The following IL1RAPL1 variants were observed in gnomAD, a reference collection of about 807,000 sequenced individuals.
IL1RAPL1 encodes the protein interleukin 1 receptor accessory protein like 1.
A neutral mutation model predicts 48.4 loss-of-function variants in IL1RAPL1; 3 were observed. The observed-to-expected ratio is 0.06, with a 90% confidence interval of 0.03 to 0.16. The LOEUF (loss-of-function observed/expected upper bound fraction) is 0.16, where lower values mean the gene tolerates loss of function less well. IL1RAPL1 is among the 10% of genes least tolerant of loss of function. The pLI is 1.00. For missense variants in IL1RAPL1, 349 were observed against 530.6 expected, an observed-to-expected ratio of 0.66 and a Z score of 3.36; for synonymous variants, 185 against 187.7, an observed-to-expected ratio of 0.99 and a Z score of 0.12.
intron 6 of IL1RAPL1, among the ~76,000 whole-genome samples, chrX:29,690,742 T>C: frequency 8.9e-6 from 1 of 112,334 alleles, no homozygotes; most frequent in Middle Eastern, 4.7e-3. Flanking sequence ...TTTTTAAATG[T>C]AATGAGATGT....
chrX:29,248,695 A>T (rs1931558350), intron 2 of IL1RAPL1, among the ~76,000 whole-genome samples: 1 of 112,560 alleles, frequency 8.9e-6, no homozygotes, highest in African/African-American at 3.2e-5. Flanking sequence ...AGGTGTTCGT[A>T]CACTGCTGAT....
chrX:29,766,384 G>GATATATAT (rs1928899467), intron 6 of IL1RAPL1, among the ~76,000 whole-genome samples: 1 of 83,868 alleles, frequency 1.2e-5, no homozygotes, highest in African/African-American at 5.2e-5. Context: ...TAGATAGATA[G>GATATATAT]ATATTTTTAT....
intron 1 of IL1RAPL1, among the ~76,000 whole-genome samples, chrX:28,606,151 C>T (rs1934080822): frequency 9.0e-6 from 1 of 111,657 alleles, no homozygotes; most frequent in African/African-American, 3.3e-5. Context: ...GATCTTTGTC[C>T]TTTTAGTTCA....
intron 3 of IL1RAPL1, among the ~76,000 whole-genome samples, chrX:29,323,354 T>C (rs1327896484): frequency 9.1e-6 from 1 of 110,263 alleles, no homozygotes; most frequent in Admixed American, 9.7e-5. Context: ...ATGGTGACTT[T>C]TATATTGGTA....
chrX:29,518,948 G>A (rs902116911), intron 5 of IL1RAPL1, among the ~76,000 whole-genome samples: 1 of 112,142 alleles, frequency 8.9e-6, no homozygotes, highest in Non-Finnish European at 1.9e-5. Flanking sequence ...GAGATGGTGA[G>A]AAGTGCTAAT....
intron 5 of IL1RAPL1, among the ~76,000 whole-genome samples, chrX:29,546,016 C>G (rs1309685716): frequency 9.0e-6 from 1 of 111,460 alleles, no homozygotes; most frequent in Non-Finnish European, 1.9e-5. Context: ...TCTGGAGACA[C>G]TTTTGGTTGT....
chrX:29,803,805 A>T (rs1930186155), intron 6 of IL1RAPL1, among the ~76,000 whole-genome samples: 1 of 110,180 alleles, frequency 9.1e-6, no homozygotes, highest in African/African-American at 3.3e-5. Flanking sequence ...GTTTATGTTT[A>T]CAATGAAGTC....
intron 6 of IL1RAPL1, among the ~76,000 whole-genome samples, chrX:29,848,682 A>C (rs890963827): frequency 8.9e-6 from 1 of 111,810 alleles, no homozygotes; most frequent in African/African-American, 3.2e-5. Context: ...AGAAATTATG[A>C]TGGAATGCAG....
intron 5 of IL1RAPL1, among the ~76,000 whole-genome samples, chrX:29,556,247 C>T (rs1761159063): frequency 8.9e-6 from 1 of 112,000 alleles, no homozygotes; most frequent in South Asian, 3.7e-4. Context: ...TTAGGAAACT[C>T]CAGTAAGGCT....
intron 3 of IL1RAPL1, among the ~76,000 whole-genome samples, chrX:29,364,809 C>CT (rs2147661789): frequency 9.0e-6 from 1 of 110,781 alleles, no homozygotes; most frequent in South Asian, 3.8e-4. Context: ...ATAACAGGGA[C>CT]TTGAACATCT....
rs1569267314 is a variant in IL1RAPL1 at position 29,240,205 on chromosome X, T to C, written c.83-42733T>C. Among the ~76,000 whole-genome samples the C allele has an allele frequency of 2.2e-3, 98 of 45,081 alleles. 4 individuals are homozygous for C. In the East Asian group the frequency reaches 0.026, roughly 12 times the overall value. 39.1% of individuals were successfully genotyped at this position (45,081 alleles called of 115,157 possible). A position where few individuals can be genotyped will look rare whatever the true frequency, so the allele number is the denominator to read the frequency against. On this transcript the variant is annotated intron_variant, in intron 2 of 10. Transcript: ENST00000378993. ...AGGTACACACACACACATATATATA[T>C]ATATATATATATATATATATTTTTT...
chrX:28,823,382 C>T (rs1458864648), intron 2 of IL1RAPL1, among the ~76,000 whole-genome samples: 1 of 111,436 alleles, frequency 9.0e-6, no homozygotes, highest in African/African-American at 3.3e-5. Context: ...CAACTATTAA[C>T]TGGCTTTGTA....
At chrX:28,959,225 C>A (rs1229463033) in intron 2 of IL1RAPL1, among the ~76,000 whole-genome samples, 2 of 111,225 alleles carry the variant, frequency 1.8e-5, no homozygotes, top group African/African-American at 6.5e-5. Context: ...GCAGATCGTT[C>A]AGTACAAACT....
intron 5 of IL1RAPL1, among the ~76,000 whole-genome samples, chrX:29,589,635 T>G (rs1230210321): frequency 9.0e-6 from 1 of 111,568 alleles, no homozygotes; most frequent in Non-Finnish European, 1.9e-5. Flanking sequence ...GGAAAGTTAC[T>G]TAATCTCTTC....
chrX:29,742,558 T>C (rs1281970416), intron 6 of IL1RAPL1, among the ~76,000 whole-genome samples: 1 of 108,922 alleles, frequency 9.2e-6, no homozygotes, highest in African/African-American at 3.4e-5. Flanking sequence ...AAAAAAAAAC[T>C]GATACTAAAA....
intron 2 of IL1RAPL1, among the ~76,000 whole-genome samples, chrX:28,876,137 C>T (rs759211183): frequency 9.0e-6 from 1 of 111,529 alleles, no homozygotes; most frequent in Non-Finnish European, 1.9e-5. Context: ...TGTAAATTAA[C>T]CCAGCCTCTG....
intron 6 of IL1RAPL1, among the ~76,000 whole-genome samples, chrX:29,838,332 C>T (rs1931060352): frequency 8.9e-6 from 1 of 112,072 alleles, no homozygotes; most frequent in Admixed American, 9.4e-5. Flanking sequence ...AAAACTTTAC[C>T]AGGCCAGTAA....
chrX:28,732,271 A>AT (rs925906001), intron 1 of IL1RAPL1, among the ~76,000 whole-genome samples: 9 of 111,918 alleles, frequency 8.0e-5, no homozygotes, highest in Non-Finnish European at 1.3e-4. Flanking sequence ...ATTTTTAAAC[A>AT]TTTTTTTAGC....
chrX:28,790,343 A>G (rs1936522202), intron 2 of IL1RAPL1, among the ~76,000 whole-genome samples: 1 of 112,767 alleles, frequency 8.9e-6, no homozygotes, highest in Admixed American at 9.4e-5. Context: ...TTTGGAGTTC[A>G]GAAAGGAAAG....
Sources: allele counts gnomAD v4.1 joint callset (sites outside exome capture counted in the v4.1 genomes callset), GRCh38; gene constraint gnomAD v4.1.1; transcripts MANE v1.5; gene names NCBI Gene and HGNC (gene_info 2026-07-23, HGNC 2026-07-21).